The following ERC1 variants were observed in gnomAD, a reference collection of about 807,000 sequenced individuals.
The protein encoded by ERC1 is RAB6 interacting protein 2.
In ERC1, 56 loss-of-function variants were observed where a neutral mutation model predicts 132.0. That is an observed-to-expected ratio of 0.42 (90% CI 0.34 to 0.53). The LOEUF (loss-of-function observed/expected upper bound fraction) is 0.53, where lower values mean the gene tolerates loss of function less well. ERC1 is among the 20% of genes least tolerant of loss of function. ERC1 has a pLI of 0.03. For synonymous variants in ERC1, 478 were observed against 476.1 expected, an observed-to-expected ratio of 1.00 and a Z score of -0.05; for missense variants, 1,202 against 1,349.9, an observed-to-expected ratio of 0.89 and a Z score of 1.72.
intron 15 of ERC1, among the ~76,000 whole-genome samples, chr12:1,369,675 C>T (rs1440912403): frequency 6.6e-6 from 1 of 152,158 alleles, no homozygotes; most frequent in East Asian, 1.9e-4. Flanking sequence ...AAGCTCATTT[C>T]ACCACTTAAC....
chr12:1,061,413 T>G, intron 2 of ERC1, among the ~76,000 whole-genome samples: 1 of 144,592 alleles, frequency 6.9e-6, no homozygotes, highest in African/African-American at 2.6e-5. Flanking sequence ...CTGGGCAAGA[T>G]GGTGAAACCC....
chr12:1,061,862 G>A (rs1937998489), intron 2 of ERC1, among the ~76,000 whole-genome samples: 1 of 151,498 alleles, frequency 6.6e-6, no homozygotes, highest in Non-Finnish European at 1.5e-5. Flanking sequence ...TGCATTGCTA[G>A]GTTGTTTATT....
chr12:1,493,934 A>G lies in ERC1; in HGVS notation c.*3704A>G. Reference sequence around the variant, plus strand: ...TGAGGCAACCATCATGTGTCACCCCAAAATATAAATGTTTCTGAGCCGCCC... The same window carrying G: ...TGAGGCAACCATCATGTGTCACCCCGAAATATAAATGTTTCTGAGCCGCCC... On this transcript the variant is annotated 3_prime_UTR_variant, in exon 19 of 19. Transcript: ENST00000360905. 4.3e-6 allele frequency: 1 copy of G among 231,690 alleles called. No homozygotes were observed. The highest frequency in any genetic ancestry group is 6.1e-5 in the East Asian group (1 of 16,376). 14.4% of individuals were successfully genotyped at this position (231,690 alleles called of 1,614,324 possible). A position where few individuals can be genotyped will look rare whatever the true frequency, so the allele number is the denominator to read the frequency against.
chr12:1,151,314 A>G (rs1279776698), intron 8 of ERC1, among the ~76,000 whole-genome samples: 1 of 152,204 alleles, frequency 6.6e-6, no homozygotes, highest in Non-Finnish European at 1.5e-5. Flanking sequence ...TTATTGGGGA[A>G]GAGGGAAGGC....
intron 12 of ERC1, among the ~76,000 whole-genome samples, chr12:1,225,053 C>G (rs2074448299): frequency 6.6e-6 from 1 of 152,034 alleles, no homozygotes; most frequent in South Asian, 2.1e-4. Flanking sequence ...CTTAATTTGT[C>G]CATCTTAATA....
intron 2 of ERC1, among the ~76,000 whole-genome samples, chr12:1,069,242 C>T (rs938877755): frequency 2.0e-5 from 3 of 152,094 alleles, no homozygotes; most frequent in African/African-American, 4.8e-5. Context: ...GATTAGATAT[C>T]AAGGTTCCTT....
chr12:1,189,901 A>C lies in ERC1; in HGVS notation c.2200A>C (p.Ser734Arg), dbSNP rs746872774. Residue 734 changes from serine to arginine, a missense_variant, in exon 12 of 19, where the codon AGT becomes CGT. Ser to Arg is a moderately radical substitution (Grantham distance 110, BLOSUM62 -1). Transcript: ENST00000360905. ...ALEARASPEM[S>R]DRIQHLEREI... ...GGAAGCCAGAGCCAGTCCAGAGATG[A>C]GTGACCGAATACAGCACTTGGAGAG... 1 of 1,613,844 alleles carries C rather than the reference A, an allele frequency of 6.2e-7. No homozygotes were observed. The highest frequency in any genetic ancestry group is 2.2e-5 in the East Asian group (1 of 44,878).
chr12:1,066,922 G>A (rs1939320360), intron 2 of ERC1, among the ~76,000 whole-genome samples: 1 of 151,672 alleles, frequency 6.6e-6, no homozygotes. Context: ...TCAGTTTTAA[G>A]TTTTGTAGTT....
intron 15 of ERC1, among the ~76,000 whole-genome samples, chr12:1,319,416 CAT>C (rs2081973323): frequency 6.6e-6 from 1 of 152,314 alleles, no homozygotes; most frequent in East Asian, 1.9e-4. Context: ...CCTGTTATCA[CAT>C]GATTCAGTTT....
At position 1,185,154 on chromosome 12, in the gene ERC1, C is replaced by A. The variant is rs567417519; in HGVS notation, c.2157+1733C>A. Among the ~76,000 whole-genome samples the A allele has an allele frequency of 4.0e-4, 61 of 152,226 alleles. 1 individual carries two copies. The highest frequency in any genetic ancestry group is 1.3e-3 in the African/African-American group (56 of 41,534). ...TCAAACTCCTGACCTCATGATCCAC[C>A]CGCCTCAGCCTCCCAAAGTGCTGGG... is the stretch of plus-strand genomic sequence containing the variant. On this transcript the variant is annotated intron_variant, in intron 11 of 18. Transcript: ENST00000360905.
chr12:1,182,123 G>A, intron 10 of ERC1, 58 bp downstream of exon 10: 1 of 1,530,098 alleles, frequency 6.5e-7, no homozygotes, highest in Non-Finnish European at 8.9e-7. Context: ...GTGTCTGTAT[G>A]TTGGTGTTTA....
chr12:1,262,973 A>T, intron 13 of ERC1, 61 bp from the exon 14 acceptor site: 1 of 1,568,130 alleles, frequency 6.4e-7, no homozygotes, highest in East Asian at 2.3e-5. Context: ...TTTCTTAATA[A>T]ATAGGCTCTC....
intron 12 of ERC1, among the ~76,000 whole-genome samples, chr12:1,209,778 A>T (rs1050972626): frequency 1.3e-5 from 2 of 152,206 alleles, no homozygotes; most frequent in African/African-American, 4.8e-5. Context: ...TTGACTCACA[A>T]GATTTTAGTG....
chr12:1,073,328 C>T (rs1022431644), intron 2 of ERC1, among the ~76,000 whole-genome samples: 1 of 151,722 alleles, frequency 6.6e-6, no homozygotes, highest in Non-Finnish European at 1.5e-5. Context: ...ATGTTTTTTT[C>T]AGCAATGTGT....
intron 18 of ERC1, among the ~76,000 whole-genome samples, chr12:1,449,987 A>G (rs950710867): frequency 3.0e-4 from 45 of 152,070 alleles, no homozygotes; most frequent in African/African-American, 8.5e-4. Context: ...TCAAATTTTG[A>G]AAATATAGTA....
chr12:1,153,254 A>T (rs1056221349), intron 8 of ERC1, among the ~76,000 whole-genome samples: 1 of 152,240 alleles, frequency 6.6e-6, no homozygotes, highest in African/African-American at 2.4e-5. Context: ...CCCAAATCAG[A>T]TTAATCCCAA....
chr12:1,211,724 T>G (rs1957894060), intron 12 of ERC1, among the ~76,000 whole-genome samples: 1 of 150,392 alleles, frequency 6.6e-6, no homozygotes, highest in Non-Finnish European at 1.5e-5. Flanking sequence ...CACGCCCAGC[T>G]AATTTTTTTT....
intron 8 of ERC1, among the ~76,000 whole-genome samples, chr12:1,165,736 AATTCGTTGATGG>A (rs1271730867): frequency 6.6e-6 from 1 of 152,198 alleles, no homozygotes; most frequent in African/African-American, 2.4e-5. Context: ...GTGTTTTCAC[AATTCGTTGATGG>A]ATATTGCTTT....
chr12:1,479,089 G>T (rs1408440704), intron 18 of ERC1, among the ~76,000 whole-genome samples: 1 of 152,202 alleles, frequency 6.6e-6, no homozygotes, highest in African/African-American at 2.4e-5. Flanking sequence ...GCACAGTCAA[G>T]TGGCCATATA....
Sources: gnomAD v4.1 joint callset for allele counts (sites outside exome capture counted in the v4.1 genomes callset) on GRCh38, gnomAD v4.1.1 for gene constraint, MANE v1.5 for transcripts, NCBI Gene and HGNC (gene_info 2026-07-23, HGNC 2026-07-21) for gene names.